XRCC5: variants seen among roughly 807,000 people sequenced by gnomAD.
XRCC5 encodes the protein X-ray repair cross complementing 5.
XRCC5 carries 12 observed loss-of-function variants against 95.7 expected under a neutral mutation model. The observed-to-expected ratio is 0.13, with a 90% CI of 0.08 to 0.20. XRCC5 has a LOEUF of 0.20. Ranked by LOEUF, XRCC5 falls within the 10% of genes least tolerant of loss-of-function variation. The probability of loss-of-function intolerance (pLI) is 1.00; values close to 1 mark genes in which losing one functional copy is unlikely to be tolerated. For missense variants in XRCC5, 595 were observed against 873.9 expected (o/e 0.68, Z 4.02); for synonymous variants, 281 against 290.3 (o/e 0.97, Z 0.33).
chr2:216,204,015 GCAGATGTCCAC>G, intron 19 of XRCC5: 1 of 308,696 alleles, frequency 3.2e-6, no homozygotes, highest in South Asian at 4.7e-5. Flanking sequence ...ACTGGAAACA[GCAGATGTCCAC>G]CATGCTTATA....
chr2:216,175,237 A>T (rs1689250883), intron 16 of XRCC5: 2 of 388,748 alleles, frequency 5.1e-6, no homozygotes, highest in African/African-American at 4.2e-5. Context: ...CACATCCATT[A>T]TATCCACCAT....
intron 6 of XRCC5, among the ~76,000 whole-genome samples, chr2:216,124,158 A>G (rs762075554): frequency 6.6e-6 from 1 of 152,236 alleles, no homozygotes; most frequent in African/African-American, 2.4e-5. Context: ...ACTGGACAGC[A>G]CTGGACTAGA....
chr2:216,137,361 CAGGG>C, intron 11 of XRCC5, 136 bp downstream of exon 11: 4 of 1,009,548 alleles, frequency 4.0e-6, no homozygotes, highest in Non-Finnish European at 4.0e-6. Flanking sequence ...AGTTCTGGGG[CAGGG>C]CCCAGATTCT....
intron 17 of XRCC5, 150 bp downstream of exon 17, chr2:216,190,484 CT>C: frequency 1.7e-6 from 1 of 573,074 alleles, no homozygotes; most frequent in South Asian, 3.0e-5. Flanking sequence ...CTAAAAATGA[CT>C]TAAATTCATG....
At position 216,122,127 on chromosome 2, in the gene XRCC5, G is replaced by A; in HGVS notation, c.557G>A (p.Gly186Asp). 6.2e-7 allele frequency: 1 copy of A among 1,614,146 alleles called. No individual in the cohort carries two copies. Residue 186 changes from glycine (G) to aspartate (D), a missense_variant, in exon 6 of 21, where the codon GGT (glycine) becomes GAT (aspartate). Around this residue, in one of 2 missense-constraint regions of XRCC5, gnomAD observed 286 missense variants for 491.1 expected, o/e 0.58. Transcript: ENST00000392132. Reference sequence around the variant, plus strand: ...AGAGGAGATGGCCCCTTTCGCTTAGGTGGCCATGGGCCTTCCTTTCCACTA... The same window carrying A: ...AGAGGAGATGGCCCCTTTCGCTTAGATGGCCATGGGCCTTCCTTTCCACTA... ...GDRGDGPFRL[G>D]GHGPSFPLKG...
At chr2:216,159,961 C>T in intron 14 of XRCC5, 107 bp from the exon 15 acceptor site, 6 of 592,722 alleles carry the variant, frequency 1.0e-5, no homozygotes, top group South Asian at 2.8e-5. Context: ...TTCTTTTCTT[C>T]TTCTTCTTTT....
chr2:216,202,739 G>C (rs1440168209), intron 19 of XRCC5, among the ~76,000 whole-genome samples: 1 of 152,222 alleles, frequency 6.6e-6, no homozygotes, highest in Non-Finnish European at 1.5e-5. Flanking sequence ...AATGAATAGT[G>C]AGGTGGTCTT....
At chr2:216,167,087 G>A (rs1574474973) in intron 16 of XRCC5, among the ~76,000 whole-genome samples, 1 of 152,292 alleles carries the variant, frequency 6.6e-6, no homozygotes, top group Non-Finnish European at 1.5e-5. Context: ...TTTAAAAAAA[G>A]TCTGTCAAGA....
At chr2:216,139,243 G>C (rs1225343795) in intron 12 of XRCC5, among the ~76,000 whole-genome samples, 1 of 152,040 alleles carries the variant, frequency 6.6e-6, no homozygotes, top group Non-Finnish European at 1.5e-5. Context: ...AACTCCCTGT[G>C]TATTAGTTCA....
At chr2:216,141,367 A>G (rs375850098) in intron 13 of XRCC5, 48 bp downstream of exon 13, 11 of 1,609,238 alleles carry the variant, frequency 6.8e-6, no homozygotes, top group Non-Finnish European at 9.3e-6. Flanking sequence ...AATGAAAGAG[A>G]GCTAAGTGCA....
Position 216,205,340 on chromosome 2 carries a change from T to C in XRCC5, c.*138T>C, listed in dbSNP as rs1223313694. The C allele has an allele frequency of 6.2e-6, 6 of 962,056 alleles. No homozygotes were observed. Among genetic ancestry groups the C allele is most frequent in the Non-Finnish European group, 8.4e-6 (5 of 591,836 alleles). The allele number at this position is 962,056 out of a possible 1,614,324, so 59.6% of individuals were successfully genotyped here. A position where few individuals can be genotyped will look rare whatever the true frequency, so the allele number is the denominator to read the frequency against. On this transcript the variant is annotated 3_prime_UTR_variant, in exon 21 of 21. Coordinates refer to ENST00000392132, the MANE Select transcript of XRCC5 (RefSeq NM_021141.4). Reference sequence around the variant, plus strand: ...CAGCAGGTTACCTGGAGGCGGATCATCTAATTCTCTGTGGAATGAATACAC... The same window carrying C: ...CAGCAGGTTACCTGGAGGCGGATCACCTAATTCTCTGTGGAATGAATACAC...
intron 15 of XRCC5, among the ~76,000 whole-genome samples, chr2:216,160,919 C>T (rs1160150053): frequency 6.6e-6 from 1 of 152,088 alleles, no homozygotes; most frequent in African/African-American, 2.4e-5. Context: ...GTATGTTACT[C>T]CTGGGCTCAA....
chr2:216,157,887 A>G (rs1311465959), intron 14 of XRCC5, among the ~76,000 whole-genome samples: 1 of 152,226 alleles, frequency 6.6e-6, no homozygotes, highest in East Asian at 1.9e-4. Context: ...GCCTTCATAG[A>G]TAATTTAGGG....
chr2:216,197,577 T>A (rs973807473), intron 19 of XRCC5, among the ~76,000 whole-genome samples: 4 of 152,218 alleles, frequency 2.6e-5, no homozygotes, highest in Admixed American at 2.6e-4. Flanking sequence ...GACTGGCATC[T>A]TCTTCCTTTT....
In XRCC5 at chr2:216,127,626, T is replaced by C. The variant is rs774895320; in HGVS notation, c.889T>C (p.Leu297=). The C allele has an allele frequency of 5.6e-6, 9 of 1,611,696 alleles. No homozygotes were observed. Among genetic ancestry groups the C allele is most frequent in the Non-Finnish European group, 7.6e-6 (9 of 1,179,274 alleles). Residue 297 remains leucine (L), a synonymous_variant, in exon 8 of 21, where the codon TTA becomes CTA. Transcript: ENST00000392132. ...EDIQKETVYC[L]NDDDETEVLK... ...TATACAAAAAGAAACAGTTTATTGCTTAAATGATGATGATGAAACTGAAGT... is the reference window on the plus strand; with the variant it reads ...TATACAAAAAGAAACAGTTTATTGCCTAAATGATGATGATGAAACTGAAGT...
intron 19 of XRCC5, among the ~76,000 whole-genome samples, chr2:216,201,813 G>C (rs1033613339): frequency 1.3e-5 from 2 of 152,144 alleles, no homozygotes; most frequent in Non-Finnish European, 2.9e-5. Context: ...CACTGCATGG[G>C]CTAGAATTAC....
chr2:216,123,858 T>C (rs1210580864), intron 6 of XRCC5, among the ~76,000 whole-genome samples: 1 of 152,114 alleles, frequency 6.6e-6, no homozygotes, highest in Non-Finnish European at 1.5e-5. Context: ...AAAAAGTGTT[T>C]TTGTTTGTTT....
At position 216,136,598 on chromosome 2, in the gene XRCC5, C is replaced by T. The variant is rs550514367; in HGVS notation, c.1114-490C>T. The stretch of plus-strand genomic sequence containing the variant: ...AGATGCTACTGTCAAACAAAAAAAT[C>T]GAGAACCAAGGAGTTGGCAATTAGA... On this transcript the variant is annotated intron_variant, in intron 10 of 20. Transcript: ENST00000392132. Among the ~76,000 whole-genome samples, 14 of 152,114 alleles carry T rather than the reference C, an allele frequency of 9.2e-5. No homozygotes were observed. In the South Asian group the frequency reaches 1.7e-3, roughly 18 times the overall value.
intron 13 of XRCC5, among the ~76,000 whole-genome samples, chr2:216,147,764 C>G (rs1489473456): frequency 6.6e-6 from 1 of 152,148 alleles, no homozygotes; most frequent in Non-Finnish European, 1.5e-5. Flanking sequence ...GTCTTAGAAT[C>G]AGGTATTTTA....
Sources: allele counts gnomAD v4.1 joint callset (sites outside exome capture counted in the v4.1 genomes callset), GRCh38; gene constraint gnomAD v4.1.1; regional missense constraint gnomAD v4.1.1; transcripts MANE v1.5; gene names NCBI Gene and HGNC (gene_info 2026-07-23, HGNC 2026-07-21).